The following HDLBP variants were observed in gnomAD, a reference collection of about 807,000 sequenced individuals.
HDLBP encodes vigilin.
Under a neutral mutation model 137.3 loss-of-function variants are expected in HDLBP, and 30 were observed. The observed-to-expected ratio is 0.22, with a 90% CI of 0.16 to 0.30. The LOEUF (loss-of-function observed/expected upper bound fraction) is 0.30. Ranked by LOEUF, HDLBP falls within the 10% of genes least tolerant of loss-of-function variation. The pLI is 1.00. For synonymous variants in HDLBP, 606 were observed against 596.0 expected (o/e 1.02, Z -0.24); for missense variants, 1,119 against 1,667.3 (o/e 0.67, Z 5.73).
intron 7 of HDLBP, 131 bp from the exon 8 acceptor site, chr2:241,255,711 C>A: frequency 1.4e-6 from 1 of 702,442 alleles, no homozygotes; most frequent in Non-Finnish European, 2.5e-6. Context: ...AAGTGAACAA[C>A]AAGTGATCAG....
intron 14 of HDLBP, 79 bp from the exon 15 acceptor site, chr2:241,247,221 A>G: frequency 1.1e-6 from 1 of 892,090 alleles, no homozygotes; most frequent in Non-Finnish European, 1.9e-6. Flanking sequence ...CCCTAAGGGT[A>G]GCATGAACAC....
chr2:241,297,163 C>T (rs2075210262), intron 1 of HDLBP, among the ~76,000 whole-genome samples: 1 of 152,170 alleles, frequency 6.6e-6, no homozygotes, highest in African/African-American at 2.4e-5. Context: ...AGAATATCTA[C>T]ATAGCTAGGG....
At chr2:241,305,033 AT>A (rs2149706403) in intron 1 of HDLBP, among the ~76,000 whole-genome samples, 1 of 152,288 alleles carries the variant, frequency 6.6e-6, no homozygotes, top group East Asian at 1.9e-4. Context: ...GGTGTTTTTT[AT>A]TACTATTATC....
rs367592369 is a variant in HDLBP, at chr2:241,249,799, CA to C, written c.1512+41del. 2.0e-4 allele frequency: 308 copies of C among 1,555,038 alleles called. 3 individuals are homozygous for C. In the East Asian group the frequency reaches 5.8e-3, roughly 29 times the overall value. On this transcript the variant is annotated intron_variant, in intron 12 of 27. Coordinates refer to ENST00000310931, the MANE Select transcript of HDLBP (RefSeq NM_005336.6). ...ACTCCTTAGAGGGGGCCAAGAGACG[CA>C]AGGCCAGTGCCTTTCTAGAGGGCCC...
At chr2:241,248,493 G>A (rs2071856307) in intron 12 of HDLBP, 145 bp from the exon 13 acceptor site, 6 of 672,840 alleles carry the variant, frequency 8.9e-6, no homozygotes, top group East Asian at 2.7e-5. Context: ...GTAGCACCCC[G>A]GGAGCAACCA....
In HDLBP at chr2:241,238,474, G is replaced by A. The variant is rs985176530; in HGVS notation, c.2749+175C>T. 3.5e-5 allele frequency: 17 copies of A among 483,444 alleles called. No individual in the cohort carries two copies. Among genetic ancestry groups the A allele is most frequent in the African/African-American group, 2.1e-4 (11 of 51,224 alleles). 29.9% of individuals were successfully genotyped at this position (483,444 alleles called of 1,614,324 possible). A position where few individuals can be genotyped will look rare whatever the true frequency, so the allele number is the denominator to read the frequency against. ...CCTGGTCACTCTGTCAGTAACTGAC[G>A]TGGTCCATCTTTTAAAGGCCAGGGA... On this transcript the variant is annotated intron_variant, in intron 20 of 27. Transcript: ENST00000310931. This position sits in a 1 kb window ranked among gnomAD's most constrained non-coding sequence, Gnocchi z 4.9.
chr2:241,245,664 C>A (rs550729361), intron 16 of HDLBP, among the ~76,000 whole-genome samples: 12 of 152,014 alleles, frequency 7.9e-5, no homozygotes, highest in Non-Finnish European at 1.8e-4. Context: ...TAGCCTGGTG[C>A]GGTAGCATGC....
rs1443116223 is a variant in HDLBP, at chr2:241,272,241, GC to G, written c.-102-3701del. ...CCGCCCGGTCTGCGCCCAGACCCCC[GC>G]CCCGCCGCCACCTGGGGGGAAGGAC... On this transcript the variant is annotated intron_variant, in intron 1 of 27. Coordinates refer to ENST00000310931, the MANE Select transcript of HDLBP (RefSeq NM_005336.6). This position sits in a 1 kb window ranked among gnomAD's most constrained non-coding sequence, Gnocchi z 5.6. 1.7e-5 allele frequency: 16 copies of G among 959,654 alleles called. No homozygotes were observed. Among genetic ancestry groups the G allele is most frequent in the Non-Finnish European group, 2.0e-5 (16 of 806,834 alleles). 59.4% of individuals were successfully genotyped at this position (959,654 alleles called of 1,614,324 possible). A position where few individuals can be genotyped will look rare whatever the true frequency, so the allele number is the denominator to read the frequency against.
At chr2:241,314,003 C>T (rs148535543) in intron 1 of HDLBP, among the ~76,000 whole-genome samples, 1 of 152,326 alleles carries the variant, frequency 6.6e-6, no homozygotes, top group Non-Finnish European at 1.5e-5. Flanking sequence ...GTTTAATCCT[C>T]ATGATGAATT....
chr2:241,267,397 T>C (rs1417634911), intron 2 of HDLBP, among the ~76,000 whole-genome samples: 2 of 152,132 alleles, frequency 1.3e-5, no homozygotes, highest in Admixed American at 1.3e-4. Flanking sequence ...CTTGGGGCAG[T>C]CTGCATCCAT....
Position 241,264,476 on chromosome 2 carries a change from C to T in HDLBP, c.206G>A (p.Arg69Gln), listed in dbSNP as rs764118724. ...EPAGAWGNKI[R>Q]PIKASVITQV... ...AGTGATGACAGAAGCCTTGATGGGT[C>T]GGATCTTGTTCCCCCAGGCTCCAGC... is the stretch of plus-strand genomic sequence containing the variant. The change falls in exon 4 of 28, where the codon CGA becomes CAA. Residue 69 changes from arginine (R) to glutamine (Q), a missense_variant. Physicochemically the swap from Arg to Gln is conservative, Grantham distance 43. Coordinates refer to ENST00000310931, the MANE Select transcript of HDLBP (RefSeq NM_005336.6). 3.7e-6 allele frequency: 6 copies of T among 1,613,080 alleles called. No individual in the cohort carries two copies. Among genetic ancestry groups the T allele is most frequent in the East Asian group, 2.2e-5 (1 of 44,876 alleles).
In HDLBP at chr2:241,253,501, C is replaced by T. The variant is rs61758862; in HGVS notation, c.1189-4G>A. On this transcript the variant is annotated splice_polypyrimidine_tract_variant and splice_region_variant and intron_variant, in intron 9 of 27. Coordinates refer to ENST00000310931, the MANE Select transcript of HDLBP (RefSeq NM_005336.6). ...CCTCTGTGAACTCGATGTGAACCTA[C>T]CACACCAAAACCAAAGAGATAGCTA... The T allele has an allele frequency of 2.5e-3, 4,009 of 1,603,356 alleles. 9 individuals carry two copies. Among genetic ancestry groups the T allele is most frequent in the Non-Finnish European group, 3.0e-3 (3,456 of 1,170,234 alleles).
rs573252426 is a variant in HDLBP, at chr2:241,287,738, G to A, written c.-102-19197C>T. 3.3e-5 allele frequency among the ~76,000 whole-genome samples: 5 copies of A among 152,300 alleles called. No individual in the cohort carries two copies. In the South Asian group the frequency reaches 6.2e-4, roughly 19 times the overall value. ...CGCCTGGCCTGCAGCTATGTGTTAC[G>A]TTGATATGTAACCAGTCGTGTTAAA... On this transcript the variant is annotated intron_variant, in intron 1 of 27. Coordinates refer to ENST00000310931, the MANE Select transcript of HDLBP (RefSeq NM_005336.6).
At position 241,229,888 on chromosome 2, in the gene HDLBP, G is replaced by A; in HGVS notation, c.3665C>T (p.Pro1222Leu). The A allele has an allele frequency of 6.3e-7, 1 of 1,594,312 alleles. No homozygotes were observed. The highest frequency in any genetic ancestry group is 8.5e-7 in the Non-Finnish European group (1 of 1,169,792). The change falls in exon 27 of 28, where the codon CCT becomes CTT. Residue 1222 changes from proline (P) to leucine (L), a missense_variant. Pro to Leu is a moderately conservative substitution (Grantham distance 98). Around this residue, in one of 4 missense-constraint regions of HDLBP, gnomAD observed 618 missense variants for 816.7 expected, o/e 0.76. Coordinates refer to ENST00000310931, the MANE Select transcript of HDLBP (RefSeq NM_005336.6). ...KPPAHEEAKAPSRGFVVRDAP... is the reference protein window; with the variant it reads ...KPPAHEEAKALSRGFVVRDAP... ...GTCCCGCACCACAAAGCCTCTGGAA[G>A]GTGCCTTGGCCTCTTCGTGTGCTGG...
chr2:241,308,579 T>C (rs11680983), intron 1 of HDLBP, among the ~76,000 whole-genome samples: 28,868 of 152,106 alleles, frequency 0.19, 3,072 homozygotes, highest in Middle Eastern at 0.34. Flanking sequence ...CAAAAGGTAA[T>C]TGTGCTTGCA....
intron 9 of HDLBP, 65 bp from the exon 10 acceptor site, chr2:241,253,562 A>G: frequency 8.9e-7 from 1 of 1,120,434 alleles, no homozygotes; most frequent in Admixed American, 1.8e-5. Flanking sequence ...CTGAGCTCCC[A>G]GTGGGAGCTC....
chr2:241,233,872 C>T lies in HDLBP; in HGVS notation c.3236G>A (p.Arg1079Gln), dbSNP rs748965030. The change falls in exon 24 of 28, where the codon CGG (arginine) becomes CAG (glutamine). Residue 1079 changes from arginine (R) to glutamine (Q), a missense_variant. Physicochemically the swap from Arg to Gln is conservative, Grantham distance 43. This residue lies in a region of HDLBP where 618 missense variants were observed against 816.7 expected (regional missense o/e 0.76). Coordinates refer to ENST00000310931, the MANE Select transcript of HDLBP (RefSeq NM_005336.6). The surrounding 1 kb of genome is among the most constrained non-coding windows in gnomAD (Gnocchi z 4.3). ...CTGGATGTTCACGTCATGCTCCAAC[C>T]GGATTTGGGTAATTACTGCCCCCTT... ...GRKGAVITQI[R>Q]LEHDVNIQFP... is the part of the protein sequence containing the mutation. The T allele has an allele frequency of 3.7e-6, 6 of 1,614,028 alleles. No individual in the cohort carries two copies. The highest frequency in any genetic ancestry group is 1.7e-5 in the Admixed American group (1 of 60,006).
rs542456068 is a variant in HDLBP, at chr2:241,256,491, C to A, written c.658-92G>T. The stretch of plus-strand genomic sequence containing the variant: ...TTTAGAGTTGGAGTCAAGCCCTCCA[C>A]CCCCACCACATTATGCCTTGAAGTC... On this transcript the variant is annotated intron_variant, in intron 6 of 27. Transcript: ENST00000310931. 40 of 1,487,386 alleles carry A rather than the reference C, an allele frequency of 2.7e-5. No individual in the cohort carries two copies. The Admixed American group carries it at 4.1e-4, about 15-fold the overall frequency. 92.1% of individuals were successfully genotyped at this position (1,487,386 alleles called of 1,614,324 possible).
In HDLBP at chr2:241,238,977, G is replaced by A. The variant is rs2070902903; in HGVS notation, c.2611-190C>T. Among the ~76,000 whole-genome samples, 1 of 152,196 alleles carries A rather than the reference G, an allele frequency of 6.6e-6. No homozygotes were observed. The highest frequency in any genetic ancestry group is 6.5e-5 in the Admixed American group (1 of 15,280). The stretch of plus-strand genomic sequence containing the variant: ...GGTAGCAGGACAGGTCTAAGGGGGT[G>A]GGCCTCCTCTGAAATGTGTCCCAGA... On this transcript the variant is annotated intron_variant, in intron 19 of 27. Coordinates refer to ENST00000310931, the MANE Select transcript of HDLBP (RefSeq NM_005336.6). The surrounding 1 kb of genome is among the most constrained non-coding windows in gnomAD (Gnocchi z 4.9).
Sources: allele counts gnomAD v4.1 joint callset (sites outside exome capture counted in the v4.1 genomes callset), GRCh38; gene constraint gnomAD v4.1.1; regional missense constraint gnomAD v4.1.1; non-coding constraint Gnocchi (gnomAD v3.1); transcripts MANE v1.5; gene names NCBI Gene and HGNC (gene_info 2026-07-23, HGNC 2026-07-21).